The following OSMR variants were observed in gnomAD, a reference collection of about 807,000 sequenced individuals.
OSMR encodes oncostatin-M-specific receptor subunit beta.
A neutral mutation model predicts 99.9 loss-of-function variants in OSMR; 81 were observed. The ratio of observed to expected loss-of-function variants is 0.81; its 90% CI spans 0.68 to 0.97. OSMR has a LOEUF of 0.97. Ranked by LOEUF, OSMR falls within the 50% of genes least tolerant of loss-of-function variation. OSMR has a pLI of 0.00. For synonymous variants in OSMR, 406 were observed against 410.4 expected, an observed-to-expected ratio of 0.99 and a Z score of 0.13; for missense variants, 1,099 against 1,153.4, an observed-to-expected ratio of 0.95 and a Z score of 0.68.
intron 1 of OSMR, among the ~76,000 whole-genome samples, chr5:38,867,259 G>A (rs935733638): frequency 6.6e-6 from 1 of 152,168 alleles, no homozygotes; most frequent in Admixed American, 6.5e-5. Context: ...GCTTCTGTTT[G>A]CAATTGGGCT....
intron 9 of OSMR, among the ~76,000 whole-genome samples, chr5:38,905,543 A>C (rs1045933718): frequency 1.3e-5 from 2 of 152,108 alleles, no homozygotes; most frequent in Non-Finnish European, 2.9e-5. Flanking sequence ...CATAGCTCGA[A>C]GGGCCCTCTG....
intron 9 of OSMR, 159 bp from the exon 10 acceptor site, chr5:38,917,387 T>C: frequency 1.0e-6 from 1 of 984,574 alleles, no homozygotes; most frequent in Non-Finnish European, 1.2e-6. Context: ...GCAGTGTGGC[T>C]GTGGACCAGT....
intron 9 of OSMR, among the ~76,000 whole-genome samples, chr5:38,909,482 A>G (rs1745438815): frequency 6.6e-6 from 1 of 152,222 alleles, no homozygotes; most frequent in South Asian, 2.1e-4. Flanking sequence ...GCAGCTAGGG[A>G]GACAGGGCGG....
Position 38,883,962 on chromosome 5 carries a change from A to G in OSMR, c.554A>G (p.Gln185Arg), listed in dbSNP as rs367551509. 6.2e-6 allele frequency: 10 copies of G among 1,613,900 alleles called. No individual in the cohort carries two copies. The highest frequency in any genetic ancestry group is 1.3e-5 in the African/African-American group (1 of 74,954). Reference protein sequence around the residue: ...NNVSCYLEGKQIHGEQLDPHV... With the variant: ...NNVSCYLEGKRIHGEQLDPHV... ...GTATCCTGTTATTTGGAAGGGAAAC[A>G]GATTCATGGAGAACAACTTGATCCA... Residue 185 changes from glutamine to arginine, a missense_variant, in exon 5 of 18, where the codon CAG becomes CGG. Transcript: ENST00000274276.
At position 38,933,742 on chromosome 5, in the gene OSMR, CCACTCTA is replaced by C. The variant is rs140757328; in HGVS notation, c.*301_*307del. ...AGCTTGACCTAAGGATATGCATTAA[CCACTCTA>C]CAGACTCCCACTCAGTACTGTACAG... On this transcript the variant is annotated 3_prime_UTR_variant, in exon 18 of 18. Transcript: ENST00000274276. The C allele has an allele frequency of 1.3e-3, 575 of 435,738 alleles. 5 individuals carry two copies. The highest frequency in any genetic ancestry group is 0.011 in the African/African-American group (537 of 50,414). The allele number at this position is 435,738 out of a possible 1,614,324, so 27.0% of individuals were successfully genotyped here. A position where few individuals can be genotyped will look rare whatever the true frequency, so the allele number is the denominator to read the frequency against.
chr5:38,936,359 A>ATAAT (rs1747040001), downstream of OSMR, among the ~76,000 whole-genome samples: 1 of 152,120 alleles, frequency 6.6e-6, no homozygotes, highest in African/African-American at 2.4e-5. Context: ...AATCACAGTA[A>ATAAT]TAATTCCTTA....
chr5:38,853,307 G>A (rs1014450788), intron 1 of OSMR, among the ~76,000 whole-genome samples: 16 of 152,194 alleles, frequency 1.1e-4, no homozygotes, highest in African/African-American at 3.6e-4. Context: ...TGGGTTTGCT[G>A]TATGTAGGTT....
chr5:38,855,516 G>A (rs185651628), intron 1 of OSMR, among the ~76,000 whole-genome samples: 166 of 152,098 alleles, frequency 1.1e-3, no homozygotes, highest in Non-Finnish European at 1.9e-3. Context: ...TCCATTCTTC[G>A]AGGGGCTCTG....
rs551030413 is a variant in OSMR, at chr5:38,877,575, T to G, written c.246+1202T>G. ...ACCTTATACTAGCAAGTCTGATTTT[T>G]GTATTTTTAATGGGTACACTTGTTG... On this transcript the variant is annotated intron_variant, in intron 3 of 17. Transcript: ENST00000274276. Among the ~76,000 whole-genome samples, 51 of 152,332 alleles carry G rather than the reference T, an allele frequency of 3.3e-4. 1 individual carries two copies. In the South Asian group the frequency reaches 0.011, roughly 32 times the overall value.
Position 38,873,873 on chromosome 5 carries a change from G to T in OSMR, c.74-2328G>T, listed in dbSNP as rs565774658. 2.2e-4 allele frequency among the ~76,000 whole-genome samples: 34 copies of T among 151,914 alleles called. 1 individual carries two copies. In the South Asian group the frequency reaches 7.1e-3, roughly 32 times the overall value. ...TATTGTGACAGGGTCTCACTCTGTT[G>T]CCCAGGTGGAGTGCAGTGGTGTGAT... On this transcript the variant is annotated intron_variant, in intron 2 of 17. Coordinates refer to ENST00000274276, the MANE Select transcript of OSMR (RefSeq NM_003999.3).
At chr5:38,899,254 C>A (rs530406532) in intron 7 of OSMR, among the ~76,000 whole-genome samples, 35 of 152,244 alleles carry the variant, frequency 2.3e-4, no homozygotes, top group African/African-American at 7.5e-4. Flanking sequence ...CCACTGTGTC[C>A]GGCCTAAGGC....
chr5:38,921,738 G>C lies in OSMR; in HGVS notation c.1709G>C (p.Gly570Ala). The change falls in exon 12 of 18, where the codon GGT becomes GCT. Residue 570 changes from glycine (G) to alanine (A), a missense_variant. Physicochemically the swap from Gly to Ala is moderately conservative, Grantham distance 60. Transcript: ENST00000274276. ...TGTGACCATACCCAGGATGTGCTCG[G>C]TGATTTCCAGTGGAAGAATGTAGGT... Reference protein sequence around the residue: ...DWCDHTQDVLGDFQWKNVGPN... With the variant: ...DWCDHTQDVLADFQWKNVGPN... 1 of 1,614,126 alleles carries C rather than the reference G, an allele frequency of 6.2e-7. No individual in the cohort carries two copies. The highest frequency in any genetic ancestry group is 8.5e-7 in the Non-Finnish European group (1 of 1,180,020).
intron 1 of OSMR, among the ~76,000 whole-genome samples, chr5:38,851,742 C>T (rs1234809293): frequency 6.6e-6 from 1 of 152,114 alleles, no homozygotes; most frequent in Non-Finnish European, 1.5e-5. Context: ...GTGTCCCCAC[C>T]CAAATCTCAT....
rs182509257 is a variant in OSMR at position 38,882,266 on chromosome 5, T to C, written c.418+502T>C. Among the ~76,000 whole-genome samples the C allele has an allele frequency of 2.6e-5, 4 of 152,246 alleles. No homozygotes were observed. The East Asian group carries it at 7.7e-4, about 29-fold the overall frequency. Reference sequence around the variant, plus strand: ...TGTGTAAACCAATGAGACAGCTTTGTTGATAGAAATTTATTTACAGAAACA... The same window carrying C: ...TGTGTAAACCAATGAGACAGCTTTGCTGATAGAAATTTATTTACAGAAACA... On this transcript the variant is annotated intron_variant, in intron 4 of 17. Coordinates refer to ENST00000274276, the MANE Select transcript of OSMR (RefSeq NM_003999.3).
rs777044654 is a variant in OSMR at position 38,886,094 on chromosome 5, A to G, written c.895A>G (p.Thr299Ala). The G allele has an allele frequency of 1.1e-5, 17 of 1,613,722 alleles. No individual in the cohort carries two copies. The South Asian group carries it at 1.8e-4, about 17-fold the overall frequency. The change falls in exon 7 of 18, where the codon ACT becomes GCT. Residue 299 changes from threonine to alanine, a missense_variant. By Grantham distance (58) the Thr-to-Ala change is moderately conservative (BLOSUM62 0). Transcript: ENST00000274276. The stretch of plus-strand genomic sequence containing the variant: ...CAAAAACTGGTGTAATTGGCAAATA[A>G]CTCAAGACTCACAAGAAACCTATAA... Reference protein sequence around the residue: ...THKNWCNWQITQDSQETYNFT... With the variant: ...THKNWCNWQIAQDSQETYNFT...
At chr5:38,945,326 G>A (rs1334693316), downstream of OSMR, 5 of 622,736 alleles carry the variant, frequency 8.0e-6, no homozygotes, top group South Asian at 6.1e-5. Flanking sequence ...ACCTGGAACC[G>A]TGAGAGGATC....
chr5:38,906,337 A>T (rs889059974), intron 9 of OSMR, among the ~76,000 whole-genome samples: 14 of 152,128 alleles, frequency 9.2e-5, no homozygotes, highest in African/African-American at 3.1e-4. Context: ...CTGAAGGTGA[A>T]CCTATAGGAA....
Position 38,898,950 on chromosome 5 carries a change from C to CTTTTTTTTTTTTTTTTTTT in OSMR, c.992-4926_992-4908dup, listed in dbSNP as rs58159819. On this transcript the variant is annotated intron_variant, in intron 7 of 17. Coordinates refer to ENST00000274276, the MANE Select transcript of OSMR (RefSeq NM_003999.3). ...TTTGTTGTTTCTATTTACATAATAT[C>CTTTTTTTTTTTTTTTTTTT]TTTTTTTTTTTTTTTTTTTTTTTTG... Among the ~76,000 whole-genome samples, 14 of 78,288 alleles carry CTTTTTTTTTTTTTTTTTTT rather than the reference C, an allele frequency of 1.8e-4. 1 individual carries two copies. The highest frequency in any genetic ancestry group is 7.5e-4 in the African/African-American group (12 of 15,980). The allele number at this position is 78,288 out of a possible 152,430, so 51.4% of individuals were successfully genotyped here. A position where few individuals can be genotyped will look rare whatever the true frequency, so the allele number is the denominator to read the frequency against.
At chr5:38,885,128 T>G (rs409294) in intron 5 of OSMR, 70 of 946,648 alleles carry the variant, frequency 7.4e-5, no homozygotes, top group Non-Finnish European at 8.4e-5. Context: ...TCCATGCCCA[T>G]GACATCTCAG....
Sources: gnomAD v4.1 joint callset for allele counts (sites outside exome capture counted in the v4.1 genomes callset) on GRCh38, gnomAD v4.1.1 for gene constraint, MANE v1.5 for transcripts, NCBI Gene and HGNC (gene_info 2026-07-23, HGNC 2026-07-21) for gene names.